Variants in MOSMO observed in about 807,000 individuals in gnomAD.
The protein encoded by MOSMO is modulator of smoothened.
A neutral mutation model predicts 18.4 loss-of-function variants in MOSMO; 5 were observed. The ratio of observed to expected loss-of-function variants is 0.27; its 90% CI spans 0.14 to 0.57. The LOEUF (loss-of-function observed/expected upper bound fraction) is 0.57, where lower values mean the gene tolerates loss of function less well. Among genes scored for constraint, MOSMO ranks in the 20% least tolerant of loss-of-function variants. The pLI, the probability that MOSMO is intolerant of heterozygous loss-of-function variation, is 0.92. For missense variants in MOSMO, 138 were observed against 211.8 expected (o/e 0.65, Z 2.16); for synonymous variants, 82 against 82.3 (o/e 1.00, Z 0.02).
At chr16:22,091,283 A>G (rs1204617778), downstream of MOSMO, among the ~76,000 whole-genome samples, 1 of 152,138 alleles carries the variant, frequency 6.6e-6, no homozygotes, top group Non-Finnish European at 1.5e-5. Flanking sequence ...AGGAGTTTCT[A>G]TTTTGAGCAC....
downstream of MOSMO, among the ~76,000 whole-genome samples, chr16:22,087,771 G>C (rs1031912637): frequency 4.6e-5 from 7 of 151,980 alleles, no homozygotes; most frequent in African/African-American, 1.7e-4. Flanking sequence ...CTGCCTTCAG[G>C]GTTATCAGTA....
downstream of MOSMO, chr16:22,087,540 T>C (rs191289672): frequency 2.0e-5 from 3 of 152,326 alleles, no homozygotes; most frequent in Non-Finnish European, 4.4e-5. Flanking sequence ...ACTCACTCTT[T>C]TCCATTCCTT....
chr16:22,046,903 T>C (rs1338944364), intron 1 of MOSMO, among the ~76,000 whole-genome samples: 1 of 152,124 alleles, frequency 6.6e-6, no homozygotes, highest in South Asian at 2.1e-4. Flanking sequence ...TTTTAGTGAG[T>C]AGGCATATTT....
At chr16:22,071,907 G>C (rs890474672) in intron 1 of MOSMO, among the ~76,000 whole-genome samples, 5 of 152,156 alleles carry the variant, frequency 3.3e-5, no homozygotes, top group Non-Finnish European at 7.4e-5. Context: ...CTCTACAGTA[G>C]AGAACTTATT....
At chr16:22,039,838 G>T (rs1325013926) in intron 1 of MOSMO, among the ~76,000 whole-genome samples, 1 of 152,126 alleles carries the variant, frequency 6.6e-6, no homozygotes, top group Non-Finnish European at 1.5e-5. Flanking sequence ...CCTATCTAAT[G>T]CCTTACCCTG....
At chr16:22,008,832 G>A (rs1217250153) in intron 1 of MOSMO, among the ~76,000 whole-genome samples, 1 of 152,296 alleles carries the variant, frequency 6.6e-6, no homozygotes, top group Admixed American at 6.5e-5. Flanking sequence ...GAGAGGCTAG[G>A]GCTGAGAGTG....
At chr16:22,068,447 C>G (rs1231867023) in intron 1 of MOSMO, among the ~76,000 whole-genome samples, 1 of 152,270 alleles carries the variant, frequency 6.6e-6, no homozygotes, top group South Asian at 2.1e-4. Flanking sequence ...TATGGATTTT[C>G]TTATAGTATT....
intron 1 of MOSMO, among the ~76,000 whole-genome samples, chr16:22,034,744 G>GTTTTT (rs890874059): frequency 9.0e-5 from 5 of 55,466 alleles, no homozygotes; most frequent in African/African-American, 1.7e-4. Flanking sequence ...GTTTTTTTGG[G>GTTTTT]TTTTTTTTTT....
chr16:22,024,752 T>C (rs1259482276), intron 1 of MOSMO, among the ~76,000 whole-genome samples: 1 of 152,212 alleles, frequency 6.6e-6, no homozygotes, highest in Non-Finnish European at 1.5e-5. Flanking sequence ...TTAAGTTTTA[T>C]GGCTCCTATT....
At chr16:22,010,877 C>T (rs546081913) in intron 1 of MOSMO, among the ~76,000 whole-genome samples, 58 of 150,858 alleles carry the variant, frequency 3.8e-4, no homozygotes, top group African/African-American at 6.3e-4. Context: ...GCCAAGATCA[C>T]GCTACTGCAC....
chr16:22,023,327 C>G (rs1231152950), intron 1 of MOSMO, among the ~76,000 whole-genome samples: 1 of 152,106 alleles, frequency 6.6e-6, no homozygotes, highest in African/African-American at 2.4e-5. Context: ...GAGGTTCTTA[C>G]CATTCAGTAG....
chr16:22,079,911 G>A (rs1289623574), intron 2 of MOSMO, among the ~76,000 whole-genome samples: 3 of 152,164 alleles, frequency 2.0e-5, no homozygotes, highest in Non-Finnish European at 4.4e-5. Context: ...AGCCTCCTGA[G>A]TAGCTGGGAT....
chr16:22,008,967 G>T (rs2141973342), intron 1 of MOSMO, among the ~76,000 whole-genome samples: 1 of 152,128 alleles, frequency 6.6e-6, no homozygotes, highest in East Asian at 1.9e-4. Context: ...GCGAGCCCGG[G>T]CTGCGGGCGC....
chr16:22,057,533 CAAAT>C (rs1309039051), intron 1 of MOSMO, among the ~76,000 whole-genome samples: 2 of 152,134 alleles, frequency 1.3e-5, no homozygotes. Context: ...TGTGAGTTCT[CAAAT>C]AACAGACACA....
intron 1 of MOSMO, among the ~76,000 whole-genome samples, chr16:22,061,898 T>G (rs913421831): frequency 2.0e-5 from 3 of 152,218 alleles, no homozygotes; most frequent in African/African-American, 7.2e-5. Context: ...CACCTTACAT[T>G]TTTAATCTTA....
At chr16:22,089,745 C>T (rs1357284535), downstream of MOSMO, among the ~76,000 whole-genome samples, 1 of 150,984 alleles carries the variant, frequency 6.6e-6, no homozygotes, top group East Asian at 2.0e-4. Flanking sequence ...GAATGACAAA[C>T]TTTGGTGAGC....
At chr16:22,026,028 A>G (rs1899868657) in intron 1 of MOSMO, among the ~76,000 whole-genome samples, 1 of 152,078 alleles carries the variant, frequency 6.6e-6, no homozygotes, top group East Asian at 1.9e-4. Flanking sequence ...CTGCTTTCCT[A>G]AGGGGTATTT....
chr16:22,061,549 C>T (rs1045248137), intron 1 of MOSMO, among the ~76,000 whole-genome samples: 1 of 152,182 alleles, frequency 6.6e-6, no homozygotes, highest in Non-Finnish European at 1.5e-5. Flanking sequence ...TATGGAAGTT[C>T]TGGAAACACA....
At chr16:22,077,462 C>T (rs1034347360) in intron 2 of MOSMO, among the ~76,000 whole-genome samples, 1 of 152,046 alleles carries the variant, frequency 6.6e-6, no homozygotes. Flanking sequence ...CATGTGAAAT[C>T]ATATTTGGCC....
Sources: gnomAD v4.1 joint callset for allele counts (sites outside exome capture counted in the v4.1 genomes callset) on GRCh38, gnomAD v4.1.1 for gene constraint, MANE v1.5 for transcripts, NCBI Gene and HGNC (gene_info 2026-07-23, HGNC 2026-07-21) for gene names.